The following ROBO2 variants were observed in gnomAD, a reference collection of about 807,000 sequenced individuals.
The protein encoded by ROBO2 is roundabout homolog 2.
A neutral mutation model predicts 160.8 loss-of-function variants in ROBO2; 53 were observed. The ratio of observed to expected loss-of-function variants is 0.33; its 90% CI spans 0.26 to 0.41. ROBO2 has a LOEUF of 0.41. Among genes scored for constraint, ROBO2 ranks in the 10% least tolerant of loss-of-function variants. The pLI is 1.00. For synonymous variants in ROBO2, 664 were observed against 611.7 expected, an observed-to-expected ratio of 1.09 and a Z score of -1.26; for missense variants, 1,577 against 1,722.4, an observed-to-expected ratio of 0.92 and a Z score of 1.49.
intron 2 of ROBO2, among the ~76,000 whole-genome samples, chr3:76,536,328 A>G (rs1306326779): frequency 2.0e-5 from 3 of 152,124 alleles, no homozygotes; most frequent in Admixed American, 2.0e-4. Context: ...TGAGGGCCAG[A>G]TTCCAATTTG....
At chr3:76,890,019 C>T (rs1441286549) in intron 2 of ROBO2, among the ~76,000 whole-genome samples, 3 of 152,000 alleles carry the variant, frequency 2.0e-5, no homozygotes, top group South Asian at 2.1e-4. Context: ...AGTAAAGGGC[C>T]GTTTGTGCCA....
At chr3:76,140,314 A>C (rs1029221002) in intron 2 of ROBO2, among the ~76,000 whole-genome samples, 1 of 152,088 alleles carries the variant, frequency 6.6e-6, no homozygotes, top group African/African-American at 2.4e-5. Context: ...GTCTAAAATC[A>C]ACTACACTTT....
At chr3:76,822,143 A>G (rs2066176187) in intron 2 of ROBO2, among the ~76,000 whole-genome samples, 1 of 151,892 alleles carries the variant, frequency 6.6e-6, no homozygotes, top group Non-Finnish European at 1.5e-5. Context: ...AGAATTAAAA[A>G]CTCAAGATTA....
chr3:76,040,120 G>A (rs1167670003), intron 2 of ROBO2, among the ~76,000 whole-genome samples: 2 of 151,716 alleles, frequency 1.3e-5, no homozygotes, highest in Non-Finnish European at 2.9e-5. Flanking sequence ...TCATCTCTAG[G>A]TCTCTTTCAT....
At chr3:76,670,161 A>G (rs1222748839) in intron 2 of ROBO2, among the ~76,000 whole-genome samples, 5 of 152,172 alleles carry the variant, frequency 3.3e-5, no homozygotes, top group Non-Finnish European at 7.4e-5. Context: ...CAGAAACCTT[A>G]GGAAATGGTT....
chr3:76,588,480 A>T (rs571671166), intron 2 of ROBO2, among the ~76,000 whole-genome samples: 3 of 152,326 alleles, frequency 2.0e-5, no homozygotes, highest in East Asian at 3.9e-4. Context: ...TATTTATTTT[A>T]AAATTTAAAA....
At chr3:77,276,266 T>C (rs11718389) in intron 2 of ROBO2, among the ~76,000 whole-genome samples, 24,653 of 151,942 alleles carry the variant, frequency 0.16, 2,491 homozygotes, top group African/African-American at 0.29. Context: ...TAGCATAGTG[T>C]TTCTGAACCA....
At chr3:76,676,824 C>T (rs984757788) in intron 2 of ROBO2, among the ~76,000 whole-genome samples, 1 of 152,010 alleles carries the variant, frequency 6.6e-6, no homozygotes, top group Non-Finnish European at 1.5e-5. Context: ...ACATCTGTTC[C>T]CAGGCCACTT....
chr3:76,066,590 A>C (rs2068262053), intron 2 of ROBO2, among the ~76,000 whole-genome samples: 1 of 152,028 alleles, frequency 6.6e-6, no homozygotes, highest in South Asian at 2.1e-4. Context: ...TAAGGATATT[A>C]GAATCCACAG....
chr3:77,105,334 G>A (rs1579015794), intron 2 of ROBO2, among the ~76,000 whole-genome samples: 1 of 152,302 alleles, frequency 6.6e-6, no homozygotes, highest in East Asian at 1.9e-4. Flanking sequence ...GAATATAGGA[G>A]CAACTTTCGT....
intron 2 of ROBO2, among the ~76,000 whole-genome samples, chr3:76,202,991 A>G (rs1386831893): frequency 4.0e-5 from 6 of 151,258 alleles, no homozygotes; most frequent in African/African-American, 1.2e-4. Flanking sequence ...AAACTGGATC[A>G]CACTCTTCCC....
At chr3:77,421,278 T>G (rs893561430) in intron 2 of ROBO2, among the ~76,000 whole-genome samples, 1 of 152,196 alleles carries the variant, frequency 6.6e-6, no homozygotes, top group African/African-American at 2.4e-5. Flanking sequence ...TTGAGATACT[T>G]TTGTTTTATA....
intron 2 of ROBO2, among the ~76,000 whole-genome samples, chr3:76,449,017 A>C (rs955072053): frequency 1.8e-4 from 27 of 152,174 alleles, no homozygotes; most frequent in African/African-American, 6.5e-4. Context: ...GAAAAACGGA[A>C]ATATAAATTT....
intron 2 of ROBO2, among the ~76,000 whole-genome samples, chr3:77,341,238 T>C (rs2067023418): frequency 6.6e-6 from 1 of 152,096 alleles, no homozygotes; most frequent in African/African-American, 2.4e-5. Context: ...TATAAGAGGT[T>C]AATTCCCCGA....
At chr3:76,032,793 A>T (rs1211703004) in intron 2 of ROBO2, among the ~76,000 whole-genome samples, 1 of 152,120 alleles carries the variant, frequency 6.6e-6, no homozygotes, top group African/African-American at 2.4e-5. Flanking sequence ...CTAATGTAAA[A>T]ACTGTTTAAA....
chr3:76,281,402 C>T (rs1316228337), intron 2 of ROBO2, among the ~76,000 whole-genome samples: 1 of 151,948 alleles, frequency 6.6e-6, no homozygotes, highest in African/African-American at 2.4e-5. Context: ...TGATTTTAAG[C>T]GTTTATCTCT....
At chr3:77,186,392 A>G (rs1440266704) in intron 2 of ROBO2, among the ~76,000 whole-genome samples, 1 of 151,922 alleles carries the variant, frequency 6.6e-6, no homozygotes, top group Non-Finnish European at 1.5e-5. Context: ...TAAATGAGAG[A>G]TTATTAATAA....
At chr3:76,233,853 C>T (rs1163036815) in intron 2 of ROBO2, among the ~76,000 whole-genome samples, 1 of 151,988 alleles carries the variant, frequency 6.6e-6, no homozygotes, top group African/African-American at 2.4e-5. Flanking sequence ...GTTACATGTG[C>T]AGCTTTGTTA....
intron 2 of ROBO2, among the ~76,000 whole-genome samples, chr3:77,314,264 C>T (rs1340292766): frequency 6.6e-6 from 1 of 152,188 alleles, no homozygotes; most frequent in Non-Finnish European, 1.5e-5. Flanking sequence ...CATATACTAC[C>T]TGCAAATCTA....
Sources: gnomAD v4.1 joint callset for allele counts (sites outside exome capture counted in the v4.1 genomes callset) on GRCh38, gnomAD v4.1.1 for gene constraint, MANE v1.5 for transcripts, NCBI Gene and HGNC (gene_info 2026-07-23, HGNC 2026-07-21) for gene names.